The following CDH13 variants were observed in gnomAD, a reference collection of about 807,000 sequenced individuals.
The protein encoded by CDH13 is cadherin 13.
In CDH13, 24 loss-of-function variants were observed where a neutral mutation model predicts 63.8. The ratio of observed to expected loss-of-function variants is 0.38; its 90% CI spans 0.27 to 0.53. The LOEUF (loss-of-function observed/expected upper bound fraction) is 0.53, where lower values mean the gene tolerates loss of function less well. CDH13 is among the 20% of genes least tolerant of loss of function. The pLI is 0.85. For missense variants in CDH13, 1,049 were observed against 903.1 expected, an observed-to-expected ratio of 1.16 and a Z score of -2.07; for synonymous variants, 503 against 355.3, an observed-to-expected ratio of 1.42 and a Z score of -4.67.
At chr16:83,631,522 C>G (rs1240549382) in intron 8 of CDH13, among the ~76,000 whole-genome samples, 2 of 151,996 alleles carry the variant, frequency 1.3e-5, no homozygotes, top group African/African-American at 2.4e-5. Flanking sequence ...TCGGGAAGAT[C>G]CACAGCAAAA....
intron 8 of CDH13, among the ~76,000 whole-genome samples, chr16:83,661,693 G>T (rs539463354): frequency 6.6e-6 from 1 of 152,158 alleles, no homozygotes; most frequent in Admixed American, 6.5e-5. Flanking sequence ...TGTAGACAGG[G>T]TCATGTAGAG....
intron 3 of CDH13, among the ~76,000 whole-genome samples, chr16:83,069,974 GAAAAA>G (rs2032313638): frequency 6.6e-6 from 1 of 152,120 alleles, no homozygotes; most frequent in Non-Finnish European, 1.5e-5. Flanking sequence ...AGGAAATGAA[GAAAAA>G]TTGGGCCAAT....
chr16:83,361,171 G>A (rs545903668), intron 6 of CDH13, among the ~76,000 whole-genome samples: 5 of 152,174 alleles, frequency 3.3e-5, no homozygotes, highest in Non-Finnish European at 5.9e-5. Context: ...TTCAGTTTGC[G>A]TTTCCCTGAT....
At chr16:83,365,573 A>G (rs2091243795) in intron 6 of CDH13, among the ~76,000 whole-genome samples, 1 of 152,154 alleles carries the variant, frequency 6.6e-6, no homozygotes, top group African/African-American at 2.4e-5. Flanking sequence ...GTGGCCTCAC[A>G]TGGCAAAGGA....
At position 83,482,102 on chromosome 16, in the gene CDH13, G is replaced by A. The variant is rs374689775; in HGVS notation, c.782-4375G>A. ...TTGAACAGGGAGCTCAGAGGCAGTC[G>A]TGGAAAATCTCCAGGCACGTTGCTC... On this transcript the variant is annotated intron_variant, in intron 6 of 13. Coordinates refer to ENST00000567109, the MANE Select transcript of CDH13 (RefSeq NM_001257.5). 1.3e-3 allele frequency among the ~76,000 whole-genome samples: 197 copies of A among 152,296 alleles called. 1 individual carries two copies. Among genetic ancestry groups the A allele is most frequent in the South Asian group, 6.6e-3 (32 of 4,824 alleles).
intron 1 of CDH13, among the ~76,000 whole-genome samples, chr16:82,809,226 C>T (rs2151176542): frequency 6.6e-6 from 1 of 151,924 alleles, no homozygotes; most frequent in East Asian, 1.9e-4. Flanking sequence ...ATATTTTAAA[C>T]ATTTGCCAAG....
chr16:83,423,892 C>T (rs575876555), intron 6 of CDH13, among the ~76,000 whole-genome samples: 19 of 152,294 alleles, frequency 1.2e-4, no homozygotes, highest in African/African-American at 4.1e-4. Context: ...CATTTCCCTC[C>T]GTCCTATGGC....
intron 3 of CDH13, among the ~76,000 whole-genome samples, chr16:83,066,772 A>G (rs2032043477): frequency 6.6e-6 from 1 of 152,240 alleles, no homozygotes; most frequent in Non-Finnish European, 1.5e-5. Context: ...AGAGACTGGA[A>G]TGCTCAAAGT....
intron 1 of CDH13, among the ~76,000 whole-genome samples, chr16:82,653,208 A>G (rs986084367): frequency 2.0e-5 from 3 of 152,094 alleles, no homozygotes; most frequent in Non-Finnish European, 4.4e-5. Context: ...GGGTGGGTGG[A>G]TGGTTTCTGA....
At chr16:83,556,206 A>G (rs2075599362) in intron 7 of CDH13, among the ~76,000 whole-genome samples, 1 of 152,224 alleles carries the variant, frequency 6.6e-6, no homozygotes, top group Non-Finnish European at 1.5e-5. Context: ...CAAATCAGAT[A>G]AACTATCATT....
chr16:83,265,162 T>C (rs1907455683), intron 5 of CDH13, among the ~76,000 whole-genome samples: 1 of 152,250 alleles, frequency 6.6e-6, no homozygotes, highest in South Asian at 2.1e-4. Flanking sequence ...TTTGTTTTTC[T>C]TGGAATTCTC....
At chr16:82,966,540 A>G (rs1907862531) in intron 2 of CDH13, among the ~76,000 whole-genome samples, 1 of 152,220 alleles carries the variant, frequency 6.6e-6, no homozygotes, top group South Asian at 2.1e-4. Context: ...GGGCTCAAAC[A>G]TTCCGATCCA....
At chr16:83,398,468 C>T (rs546189343) in intron 6 of CDH13, among the ~76,000 whole-genome samples, 1 of 152,300 alleles carries the variant, frequency 6.6e-6, no homozygotes, top group South Asian at 2.1e-4. Flanking sequence ...GATTTAGGAC[C>T]TTCCTAGATA....
intron 3 of CDH13, among the ~76,000 whole-genome samples, chr16:83,104,626 G>A (rs768829930): frequency 6.6e-6 from 1 of 152,024 alleles, no homozygotes; most frequent in Admixed American, 6.6e-5. Flanking sequence ...GGCGGTGGCG[G>A]GGGTGGGCGG....
At chr16:83,014,267 A>G (rs191645790) in intron 2 of CDH13, among the ~76,000 whole-genome samples, 95 of 148,756 alleles carry the variant, frequency 6.4e-4, no homozygotes, top group Non-Finnish European at 1.2e-3. Context: ...AAAAATAAAC[A>G]TTGTATTATC....
chr16:83,431,164 T>C (rs2072091854), intron 6 of CDH13, among the ~76,000 whole-genome samples: 1 of 152,022 alleles, frequency 6.6e-6, no homozygotes, highest in Admixed American at 6.5e-5. Context: ...TTTTTATGGC[T>C]GCATAGTATT....
intron 2 of CDH13, among the ~76,000 whole-genome samples, chr16:82,967,548 G>A (rs147052704): frequency 7.7e-4 from 117 of 152,292 alleles, no homozygotes; most frequent in African/African-American, 2.6e-3. Context: ...TCCCCTTGGC[G>A]TGGGAAGCCC....
rs369542465 is a variant in CDH13 at position 82,766,990 on chromosome 16, C to A, written c.46-91372C>A. ...ACCATTTAATCCACGCATTTTACCACCTATCTTTCCTTCTGTGTGTCTCCC... is the reference window on the plus strand; with the variant it reads ...ACCATTTAATCCACGCATTTTACCAACTATCTTTCCTTCTGTGTGTCTCCC... On this transcript the variant is annotated intron_variant, in intron 1 of 13. Transcript: ENST00000567109. Among the ~76,000 whole-genome samples the A allele has an allele frequency of 3.2e-4, 49 of 152,272 alleles. No homozygotes were observed. In the South Asian group the frequency reaches 1.0e-2, roughly 31 times the overall value.
intron 7 of CDH13, among the ~76,000 whole-genome samples, chr16:83,569,354 C>G (rs1394199039): frequency 6.6e-6 from 1 of 152,152 alleles, no homozygotes; most frequent in Non-Finnish European, 1.5e-5. Flanking sequence ...ACAGATTGTC[C>G]CTGTAAGCCA....
Sources: allele counts gnomAD v4.1 joint callset (sites outside exome capture counted in the v4.1 genomes callset), GRCh38; gene constraint gnomAD v4.1.1; transcripts MANE v1.5; gene names NCBI Gene and HGNC (gene_info 2026-07-23, HGNC 2026-07-21).